EPB41L4A: variants seen among roughly 807,000 people sequenced by gnomAD.
EPB41L4A encodes the protein band 4.1-like protein 4A.
A neutral mutation model predicts 108.6 loss-of-function variants in EPB41L4A; 100 were observed. The ratio of observed to expected loss-of-function variants is 0.92; its 90% CI spans 0.78 to 1.09. EPB41L4A has a LOEUF of 1.09. Ranked by LOEUF, EPB41L4A falls within the 50% of genes least tolerant of loss-of-function variation. The pLI is 0.00. For synonymous variants in EPB41L4A, 319 were observed against 289.0 expected (o/e 1.10, Z -1.05); for missense variants, 1,030 against 842.7 (o/e 1.22, Z -2.75).
chr5:112,249,518 T>C (rs1189999151), intron 9 of EPB41L4A: 4 of 152,210 alleles, frequency 2.6e-5, no homozygotes, highest in African/African-American at 7.2e-5. Flanking sequence ...AAAATTAAAC[T>C]ATGTTAGTAC....
At chr5:112,385,196 GGGGAAGT>G (rs1190485685) in intron 1 of EPB41L4A, among the ~76,000 whole-genome samples, 1 of 152,174 alleles carries the variant, frequency 6.6e-6, no homozygotes, top group African/African-American at 2.4e-5. Flanking sequence ...CAAGTCCAAC[GGGGAAGT>G]GGTGCTTCCA....
intron 2 of EPB41L4A, among the ~76,000 whole-genome samples, chr5:112,299,625 T>C (rs572408564): frequency 6.6e-5 from 10 of 152,150 alleles, no homozygotes; most frequent in African/African-American, 2.2e-4. Context: ...GCCAACATGG[T>C]GAAACCCCAT....
intron 2 of EPB41L4A, among the ~76,000 whole-genome samples, chr5:112,283,199 A>G (rs1753073258): frequency 1.3e-5 from 2 of 152,210 alleles, no homozygotes; most frequent in African/African-American, 2.4e-5. Flanking sequence ...AGGCTATTCA[A>G]TCAACTCACT....
At chr5:112,301,476 C>G (rs1294001977) in intron 2 of EPB41L4A, among the ~76,000 whole-genome samples, 2 of 152,152 alleles carry the variant, frequency 1.3e-5, no homozygotes, top group Non-Finnish European at 2.9e-5. Context: ...TAGGGGTTGT[C>G]TGCACAGAGT....
intron 1 of EPB41L4A, among the ~76,000 whole-genome samples, chr5:112,371,119 A>T (rs1390385787): frequency 6.6e-6 from 1 of 152,240 alleles, no homozygotes; most frequent in African/African-American, 2.4e-5. Flanking sequence ...ATTTAGGAAA[A>T]CTGTGGTATA....
chr5:112,419,169 G>T lies in EPB41L4A; in HGVS notation c.-130C>A. Reference sequence around the variant, plus strand: ...GAGGGTGAGACGAGCAGCTCCCGGCGGGGTCCGGGGACCGGCCGCCGAACC... The same window carrying T: ...GAGGGTGAGACGAGCAGCTCCCGGCTGGGTCCGGGGACCGGCCGCCGAACC... On this transcript the variant is annotated 5_prime_UTR_variant, in exon 1 of 23. Transcript: ENST00000261486. 1 of 655,900 alleles carries T rather than the reference G, an allele frequency of 1.5e-6. No homozygotes were observed. 40.6% of individuals were successfully genotyped at this position (655,900 alleles called of 1,614,324 possible).
chr5:112,419,154 C>A lies in EPB41L4A; in HGVS notation c.-115G>T. On this transcript the variant is annotated 5_prime_UTR_variant, in exon 1 of 23. Transcript: ENST00000261486. The stretch of plus-strand genomic sequence containing the variant: ...TGTCCGCGCCGTGGCGAGGGTGAGA[C>A]GAGCAGCTCCCGGCGGGGTCCGGGG... 1 of 753,736 alleles carries A rather than the reference C, an allele frequency of 1.3e-6. No individual in the cohort carries two copies. Among genetic ancestry groups the A allele is most frequent in the Non-Finnish European group, 2.2e-6 (1 of 451,860 alleles). 46.7% of individuals were successfully genotyped at this position (753,736 alleles called of 1,614,324 possible). A position where few individuals can be genotyped will look rare whatever the true frequency, so the allele number is the denominator to read the frequency against.
intron 12 of EPB41L4A, among the ~76,000 whole-genome samples, chr5:112,223,258 CTT>C (rs974684483): frequency 3.3e-5 from 5 of 152,138 alleles, no homozygotes; most frequent in African/African-American, 1.2e-4. Context: ...TTTCTTTCTT[CTT>C]TACCTCACCT....
chr5:112,147,913 A>C (rs1019093786), intron 12 of EPB41L4A, among the ~76,000 whole-genome samples: 2 of 149,738 alleles, frequency 1.3e-5, no homozygotes, highest in African/African-American at 2.4e-5. Context: ...ATGGCACATG[A>C]CTTTAGTCCC....
intron 1 of EPB41L4A, among the ~76,000 whole-genome samples, chr5:112,370,735 C>T (rs1356982799): frequency 6.6e-6 from 1 of 152,132 alleles, no homozygotes; most frequent in Non-Finnish European, 1.5e-5. Flanking sequence ...GCCAACACGG[C>T]AAAACCCTGT....
At chr5:112,369,505 T>C (rs938946891) in intron 1 of EPB41L4A, among the ~76,000 whole-genome samples, 1 of 152,256 alleles carries the variant, frequency 6.6e-6, no homozygotes, top group African/African-American at 2.4e-5. Context: ...TCCTATCTTA[T>C]ATGCTATGTA....
chr5:112,375,323 G>GCTCTCTCTCGCACACACA (rs1440284141), intron 1 of EPB41L4A, among the ~76,000 whole-genome samples: 12 of 142,556 alleles, frequency 8.4e-5, no homozygotes, highest in African/African-American at 2.9e-4. Context: ...TCTCTCTCTC[G>GCTCTCTCTCGCACACACA]CACACACACA....
rs576210362 is a variant in EPB41L4A at position 112,275,240 on chromosome 5, G to A, written c.335+86C>T. On this transcript the variant is annotated intron_variant, in intron 4 of 22. Transcript: ENST00000261486. ...AATGCAGGTAGACACACATCCAAAC[G>A]TTTAGCCCAATTTTAATTTGTTTTA... The A allele has an allele frequency of 1.4e-4, 205 of 1,438,986 alleles. 3 individuals carry two copies. The South Asian group carries it at 2.6e-3, about 18-fold the overall frequency. The allele number at this position is 1,438,986 out of a possible 1,614,324, so 89.1% of individuals were successfully genotyped here. A position where few individuals can be genotyped will look rare whatever the true frequency, so the allele number is the denominator to read the frequency against.
At chr5:112,199,717 C>T (rs1762130023) in intron 15 of EPB41L4A, among the ~76,000 whole-genome samples, 2 of 152,198 alleles carry the variant, frequency 1.3e-5, no homozygotes, top group African/African-American at 4.8e-5. Context: ...TTCTACGCAA[C>T]ACATCGAATT....
chr5:112,406,533 C>G (rs1433666444), intron 1 of EPB41L4A, among the ~76,000 whole-genome samples: 2 of 152,098 alleles, frequency 1.3e-5, no homozygotes, highest in African/African-American at 4.8e-5. Flanking sequence ...GCAGAAGACA[C>G]TCTCTCTCAC....
intron 1 of EPB41L4A, among the ~76,000 whole-genome samples, chr5:112,331,111 C>T (rs960851915): frequency 6.6e-6 from 1 of 152,162 alleles, no homozygotes; most frequent in African/African-American, 2.4e-5. Flanking sequence ...AATCTCAGTT[C>T]CCACTTCTTA....
chr5:112,242,641 A>C (rs2150386857), intron 9 of EPB41L4A, among the ~76,000 whole-genome samples: 1 of 152,292 alleles, frequency 6.6e-6, no homozygotes, highest in African/African-American at 2.4e-5. Flanking sequence ...ATTTTCCAGA[A>C]GTTTTTCACT....
At chr5:112,269,377 T>C (rs1268376639) in intron 4 of EPB41L4A, among the ~76,000 whole-genome samples, 2 of 152,194 alleles carry the variant, frequency 1.3e-5, no homozygotes, top group Admixed American at 6.5e-5. Flanking sequence ...AGTAAAATCA[T>C]ATTTTCATAT....
chr5:112,384,804 GTTA>G (rs1480394837), intron 1 of EPB41L4A, among the ~76,000 whole-genome samples: 13 of 151,356 alleles, frequency 8.6e-5, no homozygotes, highest in African/African-American at 2.9e-4. Context: ...AAGGAAGGAA[GTTA>G]AAAGAAAAGA....
Sources: gnomAD v4.1 joint callset for allele counts (sites outside exome capture counted in the v4.1 genomes callset) on GRCh38, gnomAD v4.1.1 for gene constraint, MANE v1.5 for transcripts, NCBI Gene and HGNC (gene_info 2026-07-23, HGNC 2026-07-21) for gene names.